ZFYVE9: variants seen among roughly 807,000 people sequenced by gnomAD.
ZFYVE9 encodes zinc finger FYVE domain-containing protein 9.
ZFYVE9 carries 43 observed loss-of-function variants against 126.7 expected under a neutral mutation model. The observed-to-expected ratio is 0.34, with a 90% CI of 0.27 to 0.44. The LOEUF (loss-of-function observed/expected upper bound fraction) is 0.44, where lower values mean the gene tolerates loss of function less well. Ranked by LOEUF, ZFYVE9 falls within the 20% of genes least tolerant of loss-of-function variation. The pLI is 1.00. For missense variants in ZFYVE9, 1,476 were observed against 1,697.0 expected (o/e 0.87, Z 2.29); for synonymous variants, 521 against 597.4 (o/e 0.87, Z 1.87).
chr1:52,237,506 C>A lies in ZFYVE9; in HGVS notation c.89C>A (p.Thr30Asn). 6.2e-7 allele frequency: 1 copy of A among 1,607,474 alleles called. No individual in the cohort carries two copies. Among genetic ancestry groups the A allele is most frequent in the Non-Finnish European group, 8.5e-7 (1 of 1,175,728 alleles). ...EQNEDETVSS[T>N]LLDTKWNKIL... ...TTTCCAGATGAAACAGTTTCTTCTA[C>A]TTTATTGGATACAAAGTGGAATAAG... is the stretch of plus-strand genomic sequence containing the variant. Residue 30 changes from threonine (T) to asparagine (N), a missense_variant, in exon 4 of 19, where the codon ACT becomes AAT. This residue lies in a region of ZFYVE9 where 807 missense variants were observed against 794.6 expected (regional missense o/e 1.02). Coordinates refer to ENST00000287727, the MANE Select transcript of ZFYVE9 (RefSeq NM_004799.4).
At chr1:52,148,060 A>G (rs925222067) in intron 1 of ZFYVE9, among the ~76,000 whole-genome samples, 2 of 151,510 alleles carry the variant, frequency 1.3e-5, no homozygotes, top group Non-Finnish European at 2.9e-5. Flanking sequence ...GATTACAGGC[A>G]TGAGCCACCA....
At chr1:52,253,220 G>T (rs1405977699) in intron 4 of ZFYVE9, among the ~76,000 whole-genome samples, 1 of 152,136 alleles carries the variant, frequency 6.6e-6, no homozygotes, top group Non-Finnish European at 1.5e-5. Context: ...TGCTTCCTCT[G>T]GCAGAACAAA....
At chr1:52,258,737 A>G (rs560827677) in intron 4 of ZFYVE9, among the ~76,000 whole-genome samples, 7 of 152,274 alleles carry the variant, frequency 4.6e-5, no homozygotes, top group East Asian at 1.9e-4. Context: ...CTGGCGTTGA[A>G]GAGTCATCTA....
At chr1:52,265,060 AT>A (rs958355846) in intron 5 of ZFYVE9, among the ~76,000 whole-genome samples, 1 of 152,128 alleles carries the variant, frequency 6.6e-6, no homozygotes, top group South Asian at 2.1e-4. Context: ...TTGATAGCTA[AT>A]TTTTTTAACT....
intron 13 of ZFYVE9, among the ~76,000 whole-genome samples, chr1:52,318,135 A>C (rs1048356001): frequency 7.9e-5 from 12 of 151,972 alleles, no homozygotes; most frequent in Admixed American, 5.9e-4. Flanking sequence ...AGTTATTTGC[A>C]TAAATAGTTA....
intron 13 of ZFYVE9, among the ~76,000 whole-genome samples, chr1:52,322,186 A>G (rs1427055577): frequency 1.3e-5 from 2 of 152,084 alleles, no homozygotes; most frequent in African/African-American, 4.8e-5. Context: ...TCTTTTCCTC[A>G]TTCCTTGATA....
intron 1 of ZFYVE9, among the ~76,000 whole-genome samples, chr1:52,178,015 C>G (rs1644655858): frequency 2.0e-5 from 3 of 150,724 alleles, no homozygotes; most frequent in African/African-American, 7.3e-5. Context: ...CACAGTGGCT[C>G]ACGCCCGTAA....
At chr1:52,287,573 C>T (rs576539094) in intron 10 of ZFYVE9, among the ~76,000 whole-genome samples, 1 of 151,734 alleles carries the variant, frequency 6.6e-6, no homozygotes, top group East Asian at 1.9e-4. Context: ...GGGATTAGTG[C>T]TGTTATAAAA....
At chr1:52,251,070 GT>G (rs1226093334) in intron 4 of ZFYVE9, among the ~76,000 whole-genome samples, 1 of 148,438 alleles carries the variant, frequency 6.7e-6, no homozygotes, top group African/African-American at 2.5e-5. Flanking sequence ...TTGTTTGTTT[GT>G]TTTTTGTTTT....
rs1344220784 is a variant in ZFYVE9 at position 52,183,790 on chromosome 1, G to A, written c.-142-32579G>A. Among the ~76,000 whole-genome samples the A allele has an allele frequency of 3.9e-5, 6 of 151,982 alleles. No homozygotes were observed. In the East Asian group the frequency reaches 1.2e-3, roughly 29 times the overall value. Reference sequence around the variant, plus strand: ...CGAAGTGCTAGGATTACTGGCGTGAGCCACCGCGTCCAGCCTCAGCTGTGT... The same window carrying A: ...CGAAGTGCTAGGATTACTGGCGTGAACCACCGCGTCCAGCCTCAGCTGTGT... On this transcript the variant is annotated intron_variant, in intron 1 of 18. Coordinates refer to ENST00000287727, the MANE Select transcript of ZFYVE9 (RefSeq NM_004799.4).
chr1:52,295,077 G>T lies in ZFYVE9; in HGVS notation c.3251-818G>T, dbSNP rs1045619817. Among the ~76,000 whole-genome samples the T allele has an allele frequency of 3.3e-5, 5 of 152,034 alleles. No homozygotes were observed. In the East Asian group the frequency reaches 7.7e-4, roughly 23 times the overall value. ...AAAAAAATTAGCTGGGTATGGTGGC[G>T]CATGCCTGTAATTCCAGCTACTGGA... is the stretch of plus-strand genomic sequence containing the variant. On this transcript the variant is annotated intron_variant, in intron 11 of 18. Coordinates refer to ENST00000287727, the MANE Select transcript of ZFYVE9 (RefSeq NM_004799.4).
chr1:52,160,577 C>A, intron 1 of ZFYVE9: 1 of 738,256 alleles, frequency 1.4e-6, no homozygotes, highest in Admixed American at 1.9e-5. Flanking sequence ...CTTCACATTA[C>A]CAATACATTC....
intron 1 of ZFYVE9, among the ~76,000 whole-genome samples, chr1:52,171,348 C>T (rs1644567146): frequency 6.6e-6 from 1 of 152,154 alleles, no homozygotes. Context: ...TTTATGGCTG[C>T]ATAGTATTCC....
intron 1 of ZFYVE9, among the ~76,000 whole-genome samples, chr1:52,215,070 C>T (rs1159557376): frequency 6.6e-6 from 1 of 152,268 alleles, no homozygotes; most frequent in Middle Eastern, 3.4e-3. Context: ...ATAAAATTAT[C>T]TATTATTGGA....
chr1:52,203,185 T>C (rs1431527440), intron 1 of ZFYVE9, among the ~76,000 whole-genome samples: 3 of 151,944 alleles, frequency 2.0e-5, no homozygotes, highest in Non-Finnish European at 4.4e-5. Flanking sequence ...TTTTTTTGTT[T>C]TGTTTTGTTT....
In ZFYVE9 at chr1:52,239,249, C is replaced by T; in HGVS notation, c.1832C>T (p.Thr611Ile). The T allele has an allele frequency of 1.9e-6, 3 of 1,614,032 alleles. No homozygotes were observed. The highest frequency in any genetic ancestry group is 2.5e-6 in the Non-Finnish European group (3 of 1,179,976). ...NDFPANSGNN[T>I]KNKNDILGKA... ...TTTCCTGCAAACAGTGGAAATAATA[C>T]TAAAAATAAAAATGATATTCTTGGG... The change falls in exon 4 of 19, where the codon ACT (threonine) becomes ATT (isoleucine). Residue 611 changes from threonine to isoleucine, a missense_variant. Physicochemically the swap from Thr to Ile is moderately conservative, Grantham distance 89. This residue lies in a region of ZFYVE9 where 807 missense variants were observed against 794.6 expected (regional missense o/e 1.02). Transcript: ENST00000287727.
At chr1:52,228,957 A>G (rs543103763) in intron 2 of ZFYVE9, among the ~76,000 whole-genome samples, 9 of 151,726 alleles carry the variant, frequency 5.9e-5, no homozygotes, top group Middle Eastern at 3.4e-3. Context: ...TGGTGCAGTC[A>G]TAGCTCACTG....
At position 52,283,381 on chromosome 1, in the gene ZFYVE9, G is replaced by T. The variant is rs1489119881; in HGVS notation, c.3025+1565G>T. On this transcript the variant is annotated intron_variant, in intron 10 of 18. Coordinates refer to ENST00000287727, the MANE Select transcript of ZFYVE9 (RefSeq NM_004799.4). The stretch of plus-strand genomic sequence containing the variant: ...CCATTGAAAGTATTTGAGATGATGA[G>T]TGACATAATCAGATTTGCATTTTAG... Among the ~76,000 whole-genome samples, 3 of 152,192 alleles carry T rather than the reference G, an allele frequency of 2.0e-5. No homozygotes were observed. The East Asian group carries it at 5.8e-4, about 29-fold the overall frequency.
At chr1:52,182,096 G>T (rs1187716486) in intron 1 of ZFYVE9, among the ~76,000 whole-genome samples, 2 of 150,488 alleles carry the variant, frequency 1.3e-5, no homozygotes, top group African/African-American at 4.9e-5. Context: ...GAGGGAGGTG[G>T]GGGGGTCAGC....
Sources: allele counts gnomAD v4.1 joint callset (sites outside exome capture counted in the v4.1 genomes callset), GRCh38; gene constraint gnomAD v4.1.1; regional missense constraint gnomAD v4.1.1; transcripts MANE v1.5; gene names NCBI Gene and HGNC (gene_info 2026-07-23, HGNC 2026-07-21).